Variants in PTGIS observed in about 807,000 individuals in gnomAD.
PTGIS encodes the protein prostaglandin I2 synthase.
In PTGIS, 45 loss-of-function variants were observed where a neutral mutation model predicts 50.3. The ratio of observed to expected loss-of-function variants is 0.90; its 90% CI spans 0.70 to 1.15. The LOEUF is 1.15. PTGIS is among the 50% of genes most tolerant of loss of function. The pLI, the probability that PTGIS is intolerant of heterozygous loss-of-function variation, is 0.00. For synonymous variants in PTGIS, 260 were observed against 267.7 expected (o/e 0.97, Z 0.28); for missense variants, 668 against 661.3 (o/e 1.01, Z -0.11).
At chr20:49,522,986 T>C (rs1456755153) in intron 6 of PTGIS, among the ~76,000 whole-genome samples, 1 of 152,030 alleles carries the variant, frequency 6.6e-6, no homozygotes, top group Non-Finnish European at 1.5e-5. Context: ...ATTATGCCAC[T>C]GCACTCCAGC....
At chr20:49,519,776 C>T (rs1311067931) in intron 6 of PTGIS, among the ~76,000 whole-genome samples, 1 of 152,178 alleles carries the variant, frequency 6.6e-6, no homozygotes, top group South Asian at 2.1e-4. Flanking sequence ...TCTGCCATCC[C>T]TCCTGTCACT....
intron 5 of PTGIS, 109 bp from the exon 6 acceptor site, chr20:49,524,348 T>C: frequency 3.1e-6 from 4 of 1,292,580 alleles, no homozygotes; most frequent in Middle Eastern, 1.9e-4. Context: ...ATGTCACTCA[T>C]TGAGGGTGGG....
At chr20:49,564,677 T>C (rs1240785030) in intron 1 of PTGIS, among the ~76,000 whole-genome samples, 1 of 152,226 alleles carries the variant, frequency 6.6e-6, no homozygotes, top group African/African-American at 2.4e-5. Flanking sequence ...AAGTTTTAAA[T>C]TAAATTCTAA....
intron 6 of PTGIS, among the ~76,000 whole-genome samples, chr20:49,515,698 A>C (rs1351487670): frequency 1.3e-5 from 2 of 152,202 alleles, no homozygotes; most frequent in Non-Finnish European, 2.9e-5. Context: ...GAGATCAATG[A>C]AGATCCATCC....
At chr20:49,515,701 A>G (rs1449127928) in intron 6 of PTGIS, among the ~76,000 whole-genome samples, 1 of 152,212 alleles carries the variant, frequency 6.6e-6, no homozygotes, top group Non-Finnish European at 1.5e-5. Context: ...ATCAATGAAG[A>G]TCCATCCATT....
At chr20:49,512,928 T>C in intron 8 of PTGIS, 152 bp downstream of exon 8, 1 of 874,536 alleles carries the variant, frequency 1.1e-6, no homozygotes, top group Middle Eastern at 2.5e-4. Flanking sequence ...ATTTCACAGG[T>C]GAGGAAGCAA....
chr20:49,522,446 A>C, intron 6 of PTGIS, among the ~76,000 whole-genome samples: 1 of 151,608 alleles, frequency 6.6e-6, no homozygotes, highest in African/African-American at 2.4e-5. Context: ...CTGACCCCCC[A>C]AATGGTAATC....
At chr20:49,565,465 A>C (rs985286813) in intron 1 of PTGIS, among the ~76,000 whole-genome samples, 1 of 152,106 alleles carries the variant, frequency 6.6e-6, no homozygotes. Context: ...GCTGAGTTTG[A>C]GACCATCCTG....
chr20:49,564,286 C>T (rs1982842525), intron 1 of PTGIS, among the ~76,000 whole-genome samples: 2 of 151,810 alleles, frequency 1.3e-5, no homozygotes, highest in African/African-American at 4.8e-5. Context: ...GAGTCTCGCT[C>T]TGTTGCCCAG....
At chr20:49,513,736 C>T (rs1981391897) in intron 7 of PTGIS, among the ~76,000 whole-genome samples, 1 of 152,116 alleles carries the variant, frequency 6.6e-6, no homozygotes, top group African/African-American at 2.4e-5. Flanking sequence ...TCAGGATGGA[C>T]ACATGACCCA....
At chr20:49,567,969 G>T in intron 1 of PTGIS, 74 bp downstream of exon 1, 1 of 1,364,702 alleles carries the variant, frequency 7.3e-7, no homozygotes, top group Non-Finnish European at 9.5e-7. Context: ...CGCGGGCTCC[G>T]AGACCCTTGG....
chr20:49,514,845 T>C (rs1316981785), intron 6 of PTGIS, among the ~76,000 whole-genome samples: 3 of 152,188 alleles, frequency 2.0e-5, no homozygotes, highest in African/African-American at 7.2e-5. Context: ...CCCTTTGAAT[T>C]TATGCTCAGC....
chr20:49,567,964 G>A (rs1982947655), intron 1 of PTGIS, 79 bp downstream of exon 1: 2 of 1,324,798 alleles, frequency 1.5e-6, no homozygotes, highest in Admixed American at 3.4e-5. Context: ...CCGGCCGCGG[G>A]CTCCGAGACC....
intron 1 of PTGIS, among the ~76,000 whole-genome samples, chr20:49,567,084 A>G (rs1194550587): frequency 6.6e-6 from 1 of 152,202 alleles, no homozygotes; most frequent in Non-Finnish European, 1.5e-5. Context: ...GGAGAGGCCC[A>G]GAGAGGGAGA....
At position 49,550,097 on chromosome 20, in the gene PTGIS, C is replaced by T; in HGVS notation, c.167G>A (p.Arg56Lys). 3.1e-6 allele frequency: 5 copies of T among 1,614,176 alleles called. No homozygotes were observed. Among genetic ancestry groups the T allele is most frequent in the Non-Finnish European group, 4.2e-6 (5 of 1,180,030 alleles). Reference sequence around the variant, plus strand: ...GATGTCACCGTGCTTCTCCTTCATCCTCGTGAGGAAGCTGGCAGCATCTTT... The same window carrying T: ...GATGTCACCGTGCTTCTCCTTCATCTTCGTGAGGAAGCTGGCAGCATCTTT... ...FGKDAASFLT[R>K]MKEKHGDIFT... Residue 56 changes from arginine (R) to lysine (K), a missense_variant, in exon 2 of 10, where the codon AGG (arginine) becomes AAG (lysine). Transcript: ENST00000244043.
At chr20:49,531,599 A>G (rs1383070481) in intron 5 of PTGIS, among the ~76,000 whole-genome samples, 1 of 152,176 alleles carries the variant, frequency 6.6e-6, no homozygotes, top group African/African-American at 2.4e-5. Context: ...CTTGCTGTCT[A>G]CTTGGGATTC....
intron 1 of PTGIS, among the ~76,000 whole-genome samples, chr20:49,562,578 CT>C (rs951106174): frequency 2.6e-5 from 4 of 152,094 alleles, no homozygotes; most frequent in Admixed American, 1.3e-4. Flanking sequence ...GACACTCTCA[CT>C]TTTTTTTAGG....
At chr20:49,531,550 G>C (rs560239601) in intron 5 of PTGIS, among the ~76,000 whole-genome samples, 57 of 152,270 alleles carry the variant, frequency 3.7e-4, no homozygotes, top group African/African-American at 1.3e-3. Flanking sequence ...ATCAAAAAAA[G>C]ACAAAATTTT....
At chr20:49,567,892 C>T in intron 1 of PTGIS, 151 bp downstream of exon 1, 1 of 670,084 alleles carries the variant, frequency 1.5e-6, no homozygotes, top group Non-Finnish European at 2.2e-6. Flanking sequence ...TGCGGGGCCC[C>T]GGGACTCCCA....
Sources: allele counts gnomAD v4.1 joint callset (sites outside exome capture counted in the v4.1 genomes callset), GRCh38; gene constraint gnomAD v4.1.1; transcripts MANE v1.5; gene names NCBI Gene and HGNC (gene_info 2026-07-23, HGNC 2026-07-21).